The following SLC9A9 variants were observed in gnomAD, a reference collection of about 807,000 sequenced individuals.
The protein encoded by SLC9A9 is sodium/hydrogen exchanger 9.
SLC9A9 carries 62 observed loss-of-function variants against 77.8 expected under a neutral mutation model. That is an observed-to-expected ratio of 0.80 (90% CI 0.65 to 0.98). The LOEUF (loss-of-function observed/expected upper bound fraction) is 0.98. Among genes scored for constraint, SLC9A9 ranks in the 50% least tolerant of loss-of-function variants. The probability of loss-of-function intolerance (pLI) is 0.00; values close to 1 mark genes in which losing one functional copy is unlikely to be tolerated. For synonymous variants in SLC9A9, 320 were observed against 283.5 expected (o/e 1.13, Z -1.29); for missense variants, 775 against 774.9 (o/e 1.00, Z 0.00).
chr3:143,413,395 G>A (rs114386506), intron 12 of SLC9A9, among the ~76,000 whole-genome samples: 2,494 of 152,210 alleles, frequency 0.016, 33 homozygotes, highest in Middle Eastern at 0.027. Flanking sequence ...GGGGGTTGCC[G>A]TTTCAAAGGT....
chr3:143,607,038 A>G (rs1207051513), intron 6 of SLC9A9, among the ~76,000 whole-genome samples: 1 of 152,080 alleles, frequency 6.6e-6, no homozygotes, highest in Non-Finnish European at 1.5e-5. Flanking sequence ...AGATTAGCTA[A>G]AAAATAGAAT....
intron 14 of SLC9A9, among the ~76,000 whole-genome samples, chr3:143,285,033 G>A (rs1373215777): frequency 6.6e-6 from 1 of 152,160 alleles, no homozygotes; most frequent in Non-Finnish European, 1.5e-5. Context: ...TACTATGGAT[G>A]AGCTCCTGCT....
intron 14 of SLC9A9, among the ~76,000 whole-genome samples, chr3:143,348,472 A>G (rs2032360506): frequency 6.6e-6 from 1 of 152,218 alleles, no homozygotes; most frequent in African/African-American, 2.4e-5. Context: ...CTATTACATT[A>G]TGTTGAATTT....
chr3:143,517,939 T>C (rs1406401891), intron 9 of SLC9A9: 15 of 1,478,550 alleles, frequency 1.0e-5, no homozygotes, highest in Middle Eastern at 2.3e-4. Context: ...CTCCCATTTC[T>C]TAAGGAGCAT....
At chr3:143,302,105 T>C (rs982914863) in intron 14 of SLC9A9, among the ~76,000 whole-genome samples, 3 of 152,178 alleles carry the variant, frequency 2.0e-5, no homozygotes, top group Non-Finnish European at 4.4e-5. Context: ...AAGACAGTGT[T>C]GTCCCACCTT....
chr3:143,814,859 G>C (rs2008963410), intron 2 of SLC9A9, among the ~76,000 whole-genome samples: 1 of 152,088 alleles, frequency 6.6e-6, no homozygotes, highest in African/African-American at 2.4e-5. Flanking sequence ...GATCATTTCT[G>C]ACTGCCTTAC....
At chr3:143,619,943 A>C (rs1030789254) in intron 6 of SLC9A9, among the ~76,000 whole-genome samples, 1 of 152,210 alleles carries the variant, frequency 6.6e-6, no homozygotes, top group African/African-American at 2.4e-5. Flanking sequence ...GTCCAGGAAC[A>C]TTAGGAAGTG....
chr3:143,820,654 G>A (rs2009142168), intron 2 of SLC9A9, among the ~76,000 whole-genome samples: 1 of 152,096 alleles, frequency 6.6e-6, no homozygotes, highest in Admixed American at 6.6e-5. Context: ...ATACCAGCAG[G>A]AGAAGAGAAA....
At chr3:143,302,997 C>T (rs186639446) in intron 14 of SLC9A9, among the ~76,000 whole-genome samples, 5 of 152,326 alleles carry the variant, frequency 3.3e-5, no homozygotes, top group African/African-American at 4.8e-5. Flanking sequence ...GCCTTCCCTG[C>T]CCGCCCTCTC....
chr3:143,320,622 C>T (rs555427243), intron 14 of SLC9A9, among the ~76,000 whole-genome samples: 11 of 152,222 alleles, frequency 7.2e-5, no homozygotes, highest in Non-Finnish European at 1.0e-4. Context: ...AGGCAGAACT[C>T]GAACTTGCTT....
At chr3:143,807,795 C>A (rs2008762766) in intron 2 of SLC9A9, among the ~76,000 whole-genome samples, 1 of 152,014 alleles carries the variant, frequency 6.6e-6, no homozygotes, top group Non-Finnish European at 1.5e-5. Flanking sequence ...GTTCAGAAAC[C>A]CAAAGGCCAG....
chr3:143,609,691 T>A (rs2037987941), intron 6 of SLC9A9, among the ~76,000 whole-genome samples: 1 of 152,158 alleles, frequency 6.6e-6, no homozygotes, highest in South Asian at 2.1e-4. Flanking sequence ...CCCTTTCTAT[T>A]TTTTAGAAAT....
intron 9 of SLC9A9, among the ~76,000 whole-genome samples, chr3:143,531,142 G>T (rs1559955595): frequency 6.6e-6 from 1 of 152,190 alleles, no homozygotes. Context: ...TACTTTTATA[G>T]ATTCTGGTGC....
At chr3:143,638,152 G>T (rs371316828) in intron 6 of SLC9A9, among the ~76,000 whole-genome samples, 1 of 152,150 alleles carries the variant, frequency 6.6e-6, no homozygotes, top group Non-Finnish European at 1.5e-5. Flanking sequence ...GAATGGGAAT[G>T]GGGGGTAAAA....
At chr3:143,381,717 C>A (rs770623763) in intron 13 of SLC9A9, among the ~76,000 whole-genome samples, 3 of 152,148 alleles carry the variant, frequency 2.0e-5, no homozygotes, top group Non-Finnish European at 2.9e-5. Context: ...ATTGGACATA[C>A]TTTGTGTAAA....
In SLC9A9 at chr3:143,382,097, T is replaced by C. The variant is rs770298175; in HGVS notation, c.1487A>G (p.Asp496Gly). Residue 496 changes from aspartate (D) to glycine (G), a missense_variant, in exon 13 of 16, where the codon GAT becomes GGT. Coordinates refer to ENST00000316549, the MANE Select transcript of SLC9A9 (RefSeq NM_173653.4). Reference protein sequence around the residue: ...WLQIRVGVDLDENLKEDPSSQ... With the variant: ...WLQIRVGVDLGENLKEDPSSQ... Reference sequence around the variant, plus strand: ...GGAGGGGTCCTCCTTCAGATTTTCATCCAGGTCCACGCCAACTCTGTTAAA... The same window carrying C: ...GGAGGGGTCCTCCTTCAGATTTTCACCCAGGTCCACGCCAACTCTGTTAAA... 1 of 1,614,116 alleles carries C rather than the reference T, an allele frequency of 6.2e-7. No individual in the cohort carries two copies. Among genetic ancestry groups the C allele is most frequent in the Non-Finnish European group, 8.5e-7 (1 of 1,179,986 alleles).
chr3:143,447,366 T>C (rs546122153), intron 12 of SLC9A9, among the ~76,000 whole-genome samples: 40 of 152,278 alleles, frequency 2.6e-4, no homozygotes, highest in African/African-American at 8.7e-4. Flanking sequence ...AAAACAATAC[T>C]ATTATATCAT....
chr3:143,427,449 A>G (rs1038320278), intron 12 of SLC9A9, among the ~76,000 whole-genome samples: 3 of 152,252 alleles, frequency 2.0e-5, no homozygotes, highest in Non-Finnish European at 4.4e-5. Flanking sequence ...GAAGCAAGTG[A>G]TCTCCAATAA....
At chr3:143,489,553 G>C (rs1268633043) in intron 11 of SLC9A9, among the ~76,000 whole-genome samples, 1 of 151,750 alleles carries the variant, frequency 6.6e-6, no homozygotes, top group Non-Finnish European at 1.5e-5. Flanking sequence ...AAAATGTAAG[G>C]CCTAAAACTA....
Sources: gnomAD v4.1 joint callset for allele counts (sites outside exome capture counted in the v4.1 genomes callset) on GRCh38, gnomAD v4.1.1 for gene constraint, MANE v1.5 for transcripts, NCBI Gene and HGNC (gene_info 2026-07-23, HGNC 2026-07-21) for gene names.